The following MSRA variants were observed in gnomAD, a reference collection of about 807,000 sequenced individuals.
MSRA encodes methionine sulfoxide reductase A.
In MSRA, 54 loss-of-function variants were observed where a neutral mutation model predicts 31.3. That is an observed-to-expected ratio of 1.73 (90% confidence interval 1.39 to 2.17). The LOEUF (loss-of-function observed/expected upper bound fraction) is 2.17, where lower values mean the gene tolerates loss of function less well. Among genes scored for constraint, MSRA ranks in the 30% most tolerant of loss-of-function variants. The pLI, the probability that MSRA is intolerant of heterozygous loss-of-function variation, is 0.00. For synonymous variants in MSRA, 169 were observed against 116.5 expected (o/e 1.45, Z -2.90); for missense variants, 507 against 300.9 (o/e 1.69, Z -5.07).
intron 1 of MSRA, among the ~76,000 whole-genome samples, chr8:10,170,157 A>G (rs1324041580): frequency 6.7e-6 from 1 of 149,048 alleles, no homozygotes; most frequent in Non-Finnish European, 1.5e-5. Flanking sequence ...AAGTGCTGGG[A>G]TTACAGACGT....
At chr8:10,186,381 G>C (rs1387930478) in intron 1 of MSRA, among the ~76,000 whole-genome samples, 1 of 152,200 alleles carries the variant, frequency 6.6e-6, no homozygotes, top group Non-Finnish European at 1.5e-5. Context: ...ATAAATGAAT[G>C]AGTGTGGCTG....
intron 3 of MSRA, among the ~76,000 whole-genome samples, chr8:10,258,192 C>A (rs974638555): frequency 1.3e-5 from 2 of 152,106 alleles, no homozygotes; most frequent in Admixed American, 6.5e-5. Flanking sequence ...AGCGGCAGAG[C>A]CAGAATGGAC....
At chr8:10,304,679 G>A (rs555649869) in intron 4 of MSRA, among the ~76,000 whole-genome samples, 25 of 152,300 alleles carry the variant, frequency 1.6e-4, no homozygotes, top group African/African-American at 5.8e-4. Flanking sequence ...GACCACAGCT[G>A]CCTAAATCTC....
chr8:10,335,186 A>G (rs1403768968), intron 5 of MSRA, among the ~76,000 whole-genome samples: 1 of 151,750 alleles, frequency 6.6e-6, no homozygotes, highest in Admixed American at 6.6e-5. Context: ...GGTGAAGGAC[A>G]AAAGCAAGGC....
chr8:10,253,884 C>G (rs1798042480), intron 3 of MSRA, among the ~76,000 whole-genome samples: 1 of 151,806 alleles, frequency 6.6e-6, no homozygotes, highest in Non-Finnish European at 1.5e-5. Flanking sequence ...AAATAAATAT[C>G]TGGGTCAATT....
At chr8:10,152,603 G>T (rs747376712) in intron 1 of MSRA, among the ~76,000 whole-genome samples, 3 of 152,202 alleles carry the variant, frequency 2.0e-5, no homozygotes, top group African/African-American at 4.8e-5. Flanking sequence ...CATTGTTTTA[G>T]ATTCTGTGGA....
intron 5 of MSRA, among the ~76,000 whole-genome samples, chr8:10,391,082 AAGAG>A (rs1370566724): frequency 2.0e-5 from 3 of 152,320 alleles, no homozygotes; most frequent in Admixed American, 6.5e-5. Flanking sequence ...AAAAAGTAAA[AAGAG>A]AGAGAAATAT....
intron 1 of MSRA, among the ~76,000 whole-genome samples, chr8:10,117,319 G>C (rs556177501): frequency 6.6e-6 from 1 of 152,276 alleles, no homozygotes; most frequent in African/African-American, 2.4e-5. Context: ...GAATCGTGAA[G>C]GGAAAATTCC....
At chr8:10,128,757 A>T (rs1054117357) in intron 1 of MSRA, among the ~76,000 whole-genome samples, 5 of 152,302 alleles carry the variant, frequency 3.3e-5, no homozygotes, top group Non-Finnish European at 5.9e-5. Context: ...CTTCTTTTCT[A>T]TTCAACTCTT....
intron 1 of MSRA, among the ~76,000 whole-genome samples, chr8:10,166,417 CAT>C (rs769592240): frequency 3.0e-4 from 46 of 152,102 alleles, no homozygotes; most frequent in Non-Finnish European, 5.6e-4. Context: ...TATGTGTTTG[CAT>C]ATGTCTGTGC....
At chr8:10,097,624 A>G (rs1294256624) in intron 1 of MSRA, among the ~76,000 whole-genome samples, 1 of 152,176 alleles carries the variant, frequency 6.6e-6, no homozygotes, top group Non-Finnish European at 1.5e-5. Context: ...TAGGTTTGCT[A>G]AATATATAAC....
intron 1 of MSRA, among the ~76,000 whole-genome samples, chr8:10,151,987 G>A (rs767832489): frequency 1.1e-4 from 17 of 152,164 alleles, no homozygotes; most frequent in African/African-American, 3.1e-4. Flanking sequence ...AATTTATTGC[G>A]TCTGTTTTAT....
At chr8:10,242,794 C>G (rs909128452) in intron 2 of MSRA, among the ~76,000 whole-genome samples, 3 of 152,152 alleles carry the variant, frequency 2.0e-5, no homozygotes, top group African/African-American at 4.8e-5. Flanking sequence ...CCTGCAGCCG[C>G]TAGTTGAAAT....
intron 3 of MSRA, among the ~76,000 whole-genome samples, chr8:10,283,518 G>C (rs1276391625): frequency 6.6e-6 from 1 of 151,672 alleles, no homozygotes; most frequent in African/African-American, 2.4e-5. Flanking sequence ...GGTGATTTGT[G>C]AGATTTTGTT....
chr8:10,068,794 AGTTT>A (rs1797588903), intron 1 of MSRA, among the ~76,000 whole-genome samples: 2 of 152,180 alleles, frequency 1.3e-5, no homozygotes, highest in African/African-American at 4.8e-5. Flanking sequence ...GTTTAGAATC[AGTTT>A]GTTAATATTC....
chr8:10,287,738 G>A (rs1563312322), intron 3 of MSRA, among the ~76,000 whole-genome samples: 3 of 152,172 alleles, frequency 2.0e-5, no homozygotes, highest in Non-Finnish European at 4.4e-5. Context: ...TTTCAGACCT[G>A]GATATCCTAC....
In MSRA at chr8:10,101,183, C is replaced by T. The variant is rs527997074; in HGVS notation, c.142+46525C>T. On this transcript the variant is annotated intron_variant, in intron 1 of 5. Coordinates refer to ENST00000317173, the MANE Select transcript of MSRA (RefSeq NM_012331.5). ...AATTTTTTGGTTGTGGGACTTTGGC[C>T]AAGTTATGTAAACCTAATTTCTTCA... Among the ~76,000 whole-genome samples the T allele has an allele frequency of 1.0e-3, 155 of 152,192 alleles. 1 individual carries two copies. The highest frequency in any genetic ancestry group is 3.6e-3 in the African/African-American group (151 of 41,532).
chr8:10,406,413 G>A (rs1431938958), intron 5 of MSRA, among the ~76,000 whole-genome samples: 1 of 152,230 alleles, frequency 6.6e-6, no homozygotes, highest in African/African-American at 2.4e-5. Flanking sequence ...GCAAATCCAA[G>A]TACAGAAAGG....
At chr8:10,100,775 G>A (rs957994509) in intron 1 of MSRA, among the ~76,000 whole-genome samples, 1 of 152,216 alleles carries the variant, frequency 6.6e-6, no homozygotes, top group Non-Finnish European at 1.5e-5. Context: ...AATGTTACCT[G>A]TGTGTGTTCT....
Sources: gnomAD v4.1 joint callset for allele counts (sites outside exome capture counted in the v4.1 genomes callset) on GRCh38, gnomAD v4.1.1 for gene constraint, MANE v1.5 for transcripts, NCBI Gene and HGNC (gene_info 2026-07-23, HGNC 2026-07-21) for gene names.